TASOR2: variants seen among roughly 807,000 people sequenced by gnomAD.
The protein encoded by TASOR2 is transcription activation suppressor family member 2, also known as protein TASOR 2.
In TASOR2, 84 loss-of-function variants were observed where a neutral mutation model predicts 199.5. The observed-to-expected ratio is 0.42, with a 90% confidence interval of 0.35 to 0.50. The LOEUF (loss-of-function observed/expected upper bound fraction) is 0.50, where lower values mean the gene tolerates loss of function less well. Among genes scored for constraint, TASOR2 ranks in the 20% least tolerant of loss-of-function variants. TASOR2 has a pLI of 0.02. For synonymous variants in TASOR2, 1,103 were observed against 1,046.6 expected (o/e 1.05, Z -1.04); for missense variants, 2,796 against 2,835.9 (o/e 0.99, Z 0.32).
In TASOR2 at chr10:5,722,777, G is replaced by A. The variant is rs1833539171; in HGVS notation, c.147-900G>A. 6.6e-6 allele frequency among the ~76,000 whole-genome samples: 1 copy of A among 152,078 alleles called. No homozygotes were observed. ...AGTCCCAGCACTTTGGGAGGCCGAG[G>A]TGAGCAGATTGCCTGAGGTCAGGAG... On this transcript the variant is annotated intron_variant, in intron 6 of 20. Coordinates refer to ENST00000328090, the Ensembl canonical transcript of TASOR2. This position sits in a 1 kb window ranked among gnomAD's most constrained non-coding sequence, Gnocchi z 4.0.
At chr10:5,721,649 AG>A (rs1833372284) in intron 6 of TASOR2, among the ~76,000 whole-genome samples, 1 of 152,196 alleles carries the variant, frequency 6.6e-6, no homozygotes, top group Non-Finnish European at 1.5e-5. Flanking sequence ...CTCATTATAG[AG>A]TGCAACTAAT....
At chr10:5,715,869 C>T (rs1360351025) in intron 2 of TASOR2, among the ~76,000 whole-genome samples, 1 of 152,146 alleles carries the variant, frequency 6.6e-6, no homozygotes, top group Non-Finnish European at 1.5e-5. Flanking sequence ...TCTCGATCTC[C>T]TGACCTCATG....
chr10:5,762,647 G>A lies in TASOR2; in HGVS notation c.7289+1G>A. The A allele has an allele frequency of 7.7e-7, 1 of 1,298,826 alleles. No homozygotes were observed. Among genetic ancestry groups the A allele is most frequent in the Non-Finnish European group, 1.1e-6 (1 of 922,568 alleles). 80.5% of individuals were successfully genotyped at this position (1,298,826 alleles called of 1,614,324 possible). On this transcript the variant is annotated splice_donor_variant, in intron 20 of 20. Transcript: ENST00000328090. LOFTEE classifies it high-confidence loss of function. Reference sequence around the variant, plus strand: ...CAGCTCCATTTAGGAGTAGCTATTGGTAAGAACACTTTTTATGTAACTTTC... The same window carrying A: ...CAGCTCCATTTAGGAGTAGCTATTGATAAGAACACTTTTTATGTAACTTTC...
Position 5,754,694 on chromosome 10 carries a change from C to CTGTTTT in TASOR2, c.6607-1919_6607-1918insTGTTTT, listed in dbSNP as rs1838606708. Among the ~76,000 whole-genome samples, 1 of 152,076 alleles carries CTGTTTT rather than the reference C, an allele frequency of 6.6e-6. No homozygotes were observed. The highest frequency in any genetic ancestry group is 2.4e-5 in the African/African-American group (1 of 41,398). ...TTCATAATATTTTATCACGTGGTGT[C>CTGTTTT]ACTGTTTACAACAGAAAATAACAAA... On this transcript the variant is annotated intron_variant, in intron 15 of 20. Coordinates refer to ENST00000328090, the Ensembl canonical transcript of TASOR2. This position sits in a 1 kb window ranked among gnomAD's most constrained non-coding sequence, Gnocchi z 4.3.
At chr10:5,746,424 C>T in exon 15 of TASOR2, 1 of 1,614,160 alleles carries the variant, frequency 6.2e-7, no homozygotes, top group Non-Finnish European at 8.5e-7. Context: ...CCCTTGAAAA[C>T]AAAGTGGATA....
chr10:5,708,646 T>G (rs1168211552), intron 1 of TASOR2, among the ~76,000 whole-genome samples: 1 of 114,188 alleles, frequency 8.8e-6, no homozygotes, highest in African/African-American at 3.5e-5. Flanking sequence ...CTTCCTTCCT[T>G]CCTTCCTTCC....
chr10:5,700,815 T>TGTTTGCTTGC (rs1554754096), intron 1 of TASOR2, among the ~76,000 whole-genome samples: 1 of 151,750 alleles, frequency 6.6e-6, no homozygotes, highest in Admixed American at 6.6e-5. Context: ...TGTGTGTGTG[T>TGTTTGCTTGC]TTGCTTGCTT....
Position 5,748,379 on chromosome 10 carries a change from C to T in TASOR2, c.4958C>T (p.Ser1653Leu). Reference sequence around the variant, plus strand: ...TATTCTACACAGGGATGCATGTGCTCAGTGGTCCCCACGCTTTGTTCTTCC... The same window carrying T: ...TATTCTACACAGGGATGCATGTGCTTAGTGGTCCCCACGCTTTGTTCTTCC... The change falls in exon 15 of 21, where the codon TCA (serine) becomes TTA (leucine). Residue 1653 changes from serine (S) to leucine (L), a missense_variant. By Grantham distance (145) the Ser-to-Leu change is moderately radical (BLOSUM62 -2). Transcript: ENST00000328090. This position sits in a 1 kb window ranked among gnomAD's most constrained non-coding sequence, Gnocchi z 5.1. 1.2e-6 allele frequency: 2 copies of T among 1,614,252 alleles called. No homozygotes were observed. Among genetic ancestry groups the T allele is most frequent in the Non-Finnish European group, 1.7e-6 (2 of 1,180,048 alleles).
Position 5,742,140 on chromosome 10 carries a change from CT to C in TASOR2, c.2375del (p.Leu792TyrfsTer6). ...GCCTGATAATGTGGAAGAAGTGAAG[CT>C]TTTACTTCATATGTGGGTAGCTCTG... On this transcript the variant is annotated frameshift_variant, in exon 14 of 21. Transcript: ENST00000328090. LOFTEE classifies it high-confidence loss of function. The surrounding 1 kb of genome is among the most constrained non-coding windows in gnomAD (Gnocchi z 4.2). 1 of 1,614,112 alleles carries C rather than the reference CT, an allele frequency of 6.2e-7. No homozygotes were observed. Among genetic ancestry groups the C allele is most frequent in the Non-Finnish European group, 8.5e-7 (1 of 1,179,996 alleles).
rs1364145786 is a variant in TASOR2, at chr10:5,740,340, T to G, written c.2170T>G (p.Ser724Ala). 19 of 1,614,112 alleles carry G rather than the reference T, an allele frequency of 1.2e-5. No homozygotes were observed. The highest frequency in any genetic ancestry group is 1.6e-5 in the Non-Finnish European group (19 of 1,180,050). ...GGTGAAGCCCAAGGATCGACCACCG[T>G]CTGCCCGTGTGAAAAAATCTTCTTG... Residue 724 changes from serine to alanine, a missense_variant, in exon 13 of 21, where the codon TCT becomes GCT. By Grantham distance (99) the Ser-to-Ala change is moderately conservative (BLOSUM62 1). Transcript: ENST00000328090. The surrounding 1 kb of genome is among the most constrained non-coding windows in gnomAD (Gnocchi z 5.3).
intron 1 of TASOR2, among the ~76,000 whole-genome samples, chr10:5,695,725 A>G (rs1018304499): frequency 1.3e-4 from 20 of 152,226 alleles, no homozygotes; most frequent in African/African-American, 4.8e-4. Context: ...TATAGCTGAA[A>G]TCAGTATTTG....
Position 5,719,407 on chromosome 10 carries a change from A to G in TASOR2, c.-99-1137A>G, listed in dbSNP as rs184634852. The stretch of plus-strand genomic sequence containing the variant: ...TGCCAGGCTGGAGTGTAGTGACACA[A>G]TCTCAGCTCACTGCAACCTCCACCT... On this transcript the variant is annotated intron_variant, in intron 3 of 20. Transcript: ENST00000328090. The surrounding 1 kb of genome is among the most constrained non-coding windows in gnomAD (Gnocchi z 4.1). Among the ~76,000 whole-genome samples, 4 of 152,148 alleles carry G rather than the reference A, an allele frequency of 2.6e-5. No homozygotes were observed. Among genetic ancestry groups the G allele is most frequent in the African/African-American group, 9.6e-5 (4 of 41,516 alleles).
exon 13 of TASOR2, chr10:5,739,968 T>C: frequency 6.2e-7 from 1 of 1,614,086 alleles, no homozygotes; most frequent in Non-Finnish European, 8.5e-7. Context: ...ACCTAACCCA[T>C]CTTCTGATAG....
chr10:5,723,890 A>C (rs931085331), intron 7 of TASOR2, 113 bp downstream of exon 8: 1 of 556,194 alleles, frequency 1.8e-6, no homozygotes, highest in Non-Finnish European at 2.9e-6. Context: ...AGTGACTCTT[A>C]AAAGAGTCTT....
rs773273853 is a variant in TASOR2 at position 5,742,420 on chromosome 10, A to C, written c.2651A>C (p.Gln884Pro). The C allele has an allele frequency of 1.9e-6, 3 of 1,614,114 alleles. No homozygotes were observed. Among genetic ancestry groups the C allele is most frequent in the Non-Finnish European group, 2.5e-6 (3 of 1,180,018 alleles). Residue 884 changes from glutamine (Q) to proline (P), a missense_variant, in exon 14 of 21, where the codon CAA becomes CCA. Transcript: ENST00000328090. The surrounding 1 kb of genome is among the most constrained non-coding windows in gnomAD (Gnocchi z 4.2). ...CCTTTCATTAAAACACCACTTACCC[A>C]AGGCTTGGAACTCTGTGTACAAAAT... is the stretch of plus-strand genomic sequence containing the variant.
At chr10:5,746,387 T>C (rs1837213355) in exon 15 of TASOR2, 1 of 1,614,168 alleles carries the variant, frequency 6.2e-7, no homozygotes, top group Non-Finnish European at 8.5e-7. Flanking sequence ...AGTCAGCCAG[T>C]GATATGTCAG....
chr10:5,747,154 C>A, exon 15 of TASOR2: 1 of 1,614,038 alleles, frequency 6.2e-7, no homozygotes, highest in Middle Eastern at 1.6e-4. Context: ...CAAGAATGGT[C>A]CAAACACTGA....
At position 5,689,558 on chromosome 10, in the gene TASOR2, C is replaced by G. The variant is rs1262916801; in HGVS notation, c.-288+4383C>G. Reference sequence around the variant, plus strand: ...GAGGTTGCAGTGAGCAGAGATCACGCCACTGCACTCCAGCCTGGGCGACAG... The same window carrying G: ...GAGGTTGCAGTGAGCAGAGATCACGGCACTGCACTCCAGCCTGGGCGACAG... On this transcript the variant is annotated intron_variant, in intron 1 of 20. Transcript: ENST00000328090. This position sits in a 1 kb window ranked among gnomAD's most constrained non-coding sequence, Gnocchi z 4.1. Among the ~76,000 whole-genome samples, 2 of 152,064 alleles carry G rather than the reference C, an allele frequency of 1.3e-5. No homozygotes were observed. Among genetic ancestry groups the G allele is most frequent in the African/African-American group, 4.8e-5 (2 of 41,388 alleles).
chr10:5,746,995 G>C, exon 15 of TASOR2: 1 of 1,614,058 alleles, frequency 6.2e-7, no homozygotes, highest in Non-Finnish European at 8.5e-7. Flanking sequence ...GAGTCTCCTC[G>C]GCCTATCTTC....
Sources: gnomAD v4.1 joint callset for allele counts (sites outside exome capture counted in the v4.1 genomes callset) on GRCh38, gnomAD v4.1.1 for gene constraint, Gnocchi (gnomAD v3.1) non-coding constraint, MANE v1.5 for transcripts, NCBI Gene and HGNC (gene_info 2026-07-23, HGNC 2026-07-21) for gene names.